The following SNAPC1 variants were observed in gnomAD, a reference collection of about 807,000 sequenced individuals.
SNAPC1 encodes the protein snRNA-activating protein complex subunit 1.
A neutral mutation model predicts 50.1 loss-of-function variants in SNAPC1; 42 were observed. The observed-to-expected ratio is 0.84, with a 90% CI of 0.65 to 1.08. The LOEUF is 1.08. Ranked by LOEUF, SNAPC1 falls within the 50% of genes least tolerant of loss-of-function variation. The pLI is 0.00. For synonymous variants in SNAPC1, 164 were observed against 144.2 expected (o/e 1.14, Z -0.98); for missense variants, 477 against 427.3 (o/e 1.12, Z -1.02).
chr14:61,792,989 A>G, intron 9 of SNAPC1, 87 bp downstream of exon 9: 1 of 635,200 alleles, frequency 1.6e-6, no homozygotes, highest in Non-Finnish European at 2.8e-6. Flanking sequence ...GGAACATGAC[A>G]GTTTGCTGTG....
intron 8 of SNAPC1, among the ~76,000 whole-genome samples, chr14:61,787,355 T>G (rs1329121032): frequency 4.6e-5 from 7 of 151,884 alleles, no homozygotes; most frequent in Admixed American, 3.9e-4. Context: ...ATTGTTTAGT[T>G]TGATTATATT....
At chr14:61,783,567 G>C (rs1171874056) in intron 8 of SNAPC1, among the ~76,000 whole-genome samples, 2 of 105,232 alleles carry the variant, frequency 1.9e-5, no homozygotes, top group Admixed American at 2.7e-4. Flanking sequence ...ACAGAGTCTT[G>C]CTGTGTTGCC....
chr14:61,776,283 A>G (rs753221481), intron 5 of SNAPC1, 30 bp downstream of exon 5: 6 of 1,582,400 alleles, frequency 3.8e-6, no homozygotes, highest in African/African-American at 2.7e-5. Context: ...GTGCCTCACC[A>G]TTGTATTTTA....
intron 7 of SNAPC1, among the ~76,000 whole-genome samples, chr14:61,779,986 G>C (rs1195969532): frequency 6.6e-6 from 1 of 152,206 alleles, no homozygotes; most frequent in East Asian, 1.9e-4. Flanking sequence ...TGGGATTACA[G>C]GTGTGAGCCA....
At chr14:61,785,914 T>TC (rs11427876) in intron 8 of SNAPC1, among the ~76,000 whole-genome samples, 53,374 of 151,930 alleles carry the variant, frequency 0.35, 9,923 homozygotes, top group African/African-American at 0.46. Flanking sequence ...CCTAAGCAGT[T>TC]CCAGCTTGAC....
At chr14:61,779,261 C>G (rs1006580429) in intron 7 of SNAPC1, among the ~76,000 whole-genome samples, 4 of 152,152 alleles carry the variant, frequency 2.6e-5, no homozygotes, top group African/African-American at 9.7e-5. Context: ...TATAATGTAA[C>G]TTGGTGTACA....
intron 7 of SNAPC1, among the ~76,000 whole-genome samples, chr14:61,779,856 G>A (rs1054730058): frequency 1.3e-5 from 2 of 151,894 alleles, no homozygotes; most frequent in Non-Finnish European, 2.9e-5. Flanking sequence ...TTACAGGCAT[G>A]CATCACCACG....
At chr14:61,770,021 T>C (rs1374217151) in intron 4 of SNAPC1, among the ~76,000 whole-genome samples, 3 of 152,154 alleles carry the variant, frequency 2.0e-5, no homozygotes. Context: ...ACTATTAGGA[T>C]TATAATATTT....
intron 4 of SNAPC1, among the ~76,000 whole-genome samples, chr14:61,775,168 T>C (rs1046873153): frequency 6.6e-6 from 1 of 152,142 alleles, no homozygotes; most frequent in African/African-American, 2.4e-5. Context: ...ACCCCACAGA[T>C]CTGCCCATTT....
chr14:61,763,497 TTTTTTTTTTC>T (rs1275350325), intron 1 of SNAPC1, among the ~76,000 whole-genome samples: 2 of 109,618 alleles, frequency 1.8e-5, no homozygotes, highest in African/African-American at 4.4e-5. Context: ...TTTTTTTTTT[TTTTTTTTTTC>T]TTTGGGCCCT....
chr14:61,768,514 C>G, intron 3 of SNAPC1, 122 bp from the exon 4 acceptor site: 1 of 575,178 alleles, frequency 1.7e-6, no homozygotes, highest in South Asian at 2.4e-5. Flanking sequence ...TGTACCCTTA[C>G]AGCTGGTTTT....
chr14:61,768,680 A>T lies in SNAPC1; in HGVS notation c.474A>T (p.Thr158=). 1 of 1,612,254 alleles carries T rather than the reference A, an allele frequency of 6.2e-7. No homozygotes were observed. Among genetic ancestry groups the T allele is most frequent in the Non-Finnish European group, 8.5e-7 (1 of 1,178,540 alleles). ...AAAAAATTCACCGAGCTGAAGTTAC[A>T]GAAGAATTTAAGGACCCAAGTGATC... The part of the protein sequence containing the change: ...MKKKIHRAEV[T]EEFKDPSDRV... Residue 158 remains threonine, a synonymous_variant, in exon 4 of 10, where the codon ACA becomes ACT. Transcript: ENST00000216294.
At chr14:61,789,185 AGCGCCACCG>A (rs1336021892) in intron 8 of SNAPC1, among the ~76,000 whole-genome samples, 1 of 149,592 alleles carries the variant, frequency 6.7e-6, no homozygotes, top group Non-Finnish European at 1.5e-5. Flanking sequence ...GAGCCAAGAT[AGCGCCACCG>A]CTCTTCAGCC....
chr14:61,772,749 A>AT (rs2045001677), intron 4 of SNAPC1, among the ~76,000 whole-genome samples: 1 of 152,202 alleles, frequency 6.6e-6, no homozygotes, highest in Non-Finnish European at 1.5e-5. Flanking sequence ...TTTTTTCAAC[A>AT]TATCTTTTTC....
At position 61,794,963 on chromosome 14, in the gene SNAPC1, A is replaced by G. The variant is rs777191210; in HGVS notation, c.1087A>G (p.Lys363Glu). The change falls in exon 10 of 10, where the codon AAG becomes GAG. Residue 363 changes from lysine to glutamate, a missense_variant. Lys to Glu is a moderately conservative substitution (Grantham distance 56). Transcript: ENST00000216294. ...TATGTCTTTAGAGTTCACTGCATCC[A>G]AGAAGAGGAGAAAACACTGAACAAA... Reference protein sequence around the residue: ...SLSGTEFTASKKRRKH With the variant: ...SLSGTEFTASEKRRKH 4 of 1,583,274 alleles carry G rather than the reference A, an allele frequency of 2.5e-6. No individual in the cohort carries two copies. The highest frequency in any genetic ancestry group is 2.8e-5 in the African/African-American group (2 of 72,604).
intron 3 of SNAPC1, among the ~76,000 whole-genome samples, chr14:61,767,924 C>T (rs139277926): frequency 0.19 from 28,444 of 152,044 alleles, 2,913 homozygotes; most frequent in African/African-American, 0.26. Context: ...GGACTACAGG[C>T]GCCCTCCACC....
intron 1 of SNAPC1, among the ~76,000 whole-genome samples, chr14:61,763,213 G>C (rs567436076): frequency 1.4e-5 from 2 of 138,260 alleles, no homozygotes; most frequent in African/African-American, 5.7e-5. Flanking sequence ...GACTGGCCTC[G>C]AACTCCTGAT....
chr14:61,777,923 C>G, intron 5 of SNAPC1, 149 bp from the exon 6 acceptor site: 1 of 495,222 alleles, frequency 2.0e-6, no homozygotes, highest in South Asian at 3.5e-5. Flanking sequence ...CTGATGTAAT[C>G]TTAATGTTAG....
intron 8 of SNAPC1, among the ~76,000 whole-genome samples, chr14:61,787,803 A>C (rs2045125906): frequency 6.6e-6 from 1 of 152,222 alleles, no homozygotes; most frequent in Non-Finnish European, 1.5e-5. Context: ...AGTCCTTCTC[A>C]GGCCATATTT....
Sources: gnomAD v4.1 joint callset for allele counts (sites outside exome capture counted in the v4.1 genomes callset) on GRCh38, gnomAD v4.1.1 for gene constraint, MANE v1.5 for transcripts, NCBI Gene and HGNC (gene_info 2026-07-23, HGNC 2026-07-21) for gene names.